OR2L13: variants seen among roughly 807,000 people sequenced by gnomAD.
OR2L13 encodes olfactory receptor family 2 subfamily L member 13.
OR2L13 carries 14 observed loss-of-function variants against 15.3 expected under a neutral mutation model. The ratio of observed to expected loss-of-function variants is 0.91; its 90% CI spans 0.60 to 1.43. OR2L13 has a LOEUF of 1.43. Among genes scored for constraint, OR2L13 ranks in the 40% most tolerant of loss-of-function variants. The pLI is 0.00. For missense variants in OR2L13, 367 were observed against 387.9 expected (o/e 0.95, Z 0.45); for synonymous variants, 152 against 142.9 (o/e 1.06, Z -0.45).
chr1:248,053,107 A>G, the OR2L13 span, among the ~76,000 whole-genome samples: 1 of 151,522 alleles, frequency 6.6e-6, no homozygotes, highest in East Asian at 1.9e-4. Flanking sequence ...TCTCCCCTCC[A>G]CCGCCCTCCC....
the OR2L13 span, among the ~76,000 whole-genome samples, chr1:247,998,795 GT>G: frequency 6.6e-6 from 1 of 152,120 alleles, no homozygotes; most frequent in Non-Finnish European, 1.5e-5. Flanking sequence ...GTAGTGCTTT[GT>G]GCTTTTAATA....
intron 2 of OR2L13, among the ~76,000 whole-genome samples, chr1:248,099,104 TGA>T (rs915291730): frequency 5.3e-5 from 8 of 152,206 alleles, no homozygotes; most frequent in African/African-American, 1.9e-4. Context: ...CTTTTCCAGT[TGA>T]ATAGATTTGT....
chr1:247,955,890 G>A, the OR2L13 span, among the ~76,000 whole-genome samples: 1 of 151,608 alleles, frequency 6.6e-6, no homozygotes, highest in African/African-American at 2.4e-5. Flanking sequence ...CCATTGTGTA[G>A]GTTGCCTGTT....
chr1:248,003,810 T>C, the OR2L13 span: 2 of 1,613,736 alleles, frequency 1.2e-6, no homozygotes, highest in Non-Finnish European at 1.7e-6. Context: ...GTCTACCACA[T>C]GAAATCTGCA....
chr1:248,073,878 T>C, the OR2L13 span, among the ~76,000 whole-genome samples: 1 of 151,926 alleles, frequency 6.6e-6, no homozygotes, highest in Non-Finnish European at 1.5e-5. Flanking sequence ...ATTAACTCTA[T>C]AAAGCTCTAA....
At chr1:247,965,374 G>C in the OR2L13 span, 2 of 1,606,232 alleles carry the variant, frequency 1.2e-6, no homozygotes, top group South Asian at 2.2e-5. Flanking sequence ...TTTGGTTTCA[G>C]CCATGAAAAC....
the OR2L13 span, among the ~76,000 whole-genome samples, chr1:247,942,841 A>C: frequency 2.6e-5 from 4 of 152,068 alleles, no homozygotes; most frequent in East Asian, 7.7e-4. Flanking sequence ...CATTGTCTCC[A>C]ACTAACACTT....
the OR2L13 span, among the ~76,000 whole-genome samples, chr1:247,982,128 T>G: frequency 6.6e-6 from 1 of 152,202 alleles, no homozygotes; most frequent in African/African-American, 2.4e-5. Flanking sequence ...AATAACAATT[T>G]TAAGTAGAGC....
chr1:248,076,352 C>G, the OR2L13 span, among the ~76,000 whole-genome samples: 8 of 152,174 alleles, frequency 5.3e-5, no homozygotes, highest in Admixed American at 4.6e-4. Flanking sequence ...TCCATATGAA[C>G]TTTAAAGTAG....
chr1:248,089,768 G>A, the OR2L13 span, among the ~76,000 whole-genome samples: 9,299 of 152,198 alleles, frequency 0.061, 963 homozygotes, highest in African/African-American at 0.21. Flanking sequence ...TGAGGACAGA[G>A]CTCGGACAAC....
chr1:248,047,689 A>G, the OR2L13 span, among the ~76,000 whole-genome samples: 1 of 152,320 alleles, frequency 6.6e-6, no homozygotes, highest in East Asian at 1.9e-4. Context: ...CTTAACAACC[A>G]CACAGAGTTT....
the OR2L13 span, among the ~76,000 whole-genome samples, chr1:248,070,121 A>G: frequency 6.6e-6 from 1 of 152,240 alleles, no homozygotes. Context: ...TGGACCAAGC[A>G]GACCTAATAG....
At chr1:248,073,044 C>T in the OR2L13 span, among the ~76,000 whole-genome samples, 2 of 151,534 alleles carry the variant, frequency 1.3e-5, no homozygotes, top group Admixed American at 6.6e-5. Context: ...TAAACTAGTT[C>T]AACCATTGTG....
At chr1:248,072,589 A>G in the OR2L13 span, among the ~76,000 whole-genome samples, 1 of 152,082 alleles carries the variant, frequency 6.6e-6, no homozygotes, top group Non-Finnish European at 1.5e-5. Context: ...TGTCTAAAAC[A>G]CCAAAAGCAA....
chr1:247,975,402 T>G, the OR2L13 span: 2 of 664,636 alleles, frequency 3.0e-6, no homozygotes, highest in Non-Finnish European at 5.7e-6. Context: ...TCTACCACAT[T>G]AAATCTGCAG....
the OR2L13 span, among the ~76,000 whole-genome samples, chr1:248,074,233 G>T: frequency 6.6e-6 from 1 of 152,042 alleles, no homozygotes; most frequent in South Asian, 2.1e-4. Flanking sequence ...TGCTGAACTT[G>T]ATTATTCTCT....
the OR2L13 span, among the ~76,000 whole-genome samples, chr1:247,954,613 GTCTTT>G: frequency 6.9e-5 from 6 of 86,434 alleles, no homozygotes; most frequent in African/African-American, 1.6e-4. Context: ...AATATAAAAT[GTCTTT>G]TCTTTTTTTT....
chr1:247,937,720 T>G, the OR2L13 span, among the ~76,000 whole-genome samples: 1 of 152,250 alleles, frequency 6.6e-6, no homozygotes, highest in Non-Finnish European at 1.5e-5. Flanking sequence ...TGGGACCCAC[T>G]CCCCTGAGCG....
upstream of OR2L13, among the ~76,000 whole-genome samples, chr1:248,091,978 T>G (rs555509670): frequency 1.3e-5 from 2 of 152,306 alleles, no homozygotes; most frequent in East Asian, 3.9e-4. Context: ...GATCAGCATT[T>G]TATATTTCTC....
Sources: gnomAD v4.1 joint callset for allele counts (sites outside exome capture counted in the v4.1 genomes callset) on GRCh38, gnomAD v4.1.1 for gene constraint, MANE v1.5 for transcripts, NCBI Gene and HGNC (gene_info 2026-07-23, HGNC 2026-07-21) for gene names.